Variants in NLRP2 observed in about 807,000 individuals in gnomAD.
NLRP2 encodes the protein NLR family pyrin domain containing 2.
In NLRP2, 107 loss-of-function variants were observed where a neutral mutation model predicts 97.2. The ratio of observed to expected loss-of-function variants is 1.10; its 90% CI spans 0.94 to 1.29. NLRP2 has a LOEUF of 1.29. Among genes scored for constraint, NLRP2 ranks in the 50% most tolerant of loss-of-function variants. NLRP2 has a pLI of 0.00. For synonymous variants in NLRP2, 663 were observed against 551.5 expected, an observed-to-expected ratio of 1.20 and a Z score of -2.83; for missense variants, 1,495 against 1,330.3, an observed-to-expected ratio of 1.12 and a Z score of -1.93.
chr19:54,973,621 A>T (rs1302319352), intron 2 of NLRP2, among the ~76,000 whole-genome samples: 1 of 151,920 alleles, frequency 6.6e-6, no homozygotes, highest in African/African-American at 2.4e-5. Context: ...TGATCTGCCC[A>T]CCTCAGCCTC....
At chr19:54,983,812 A>T (rs2071834029) in intron 6 of NLRP2, 84 bp downstream of exon 6, 4 of 1,550,362 alleles carry the variant, frequency 2.6e-6, no homozygotes, top group Admixed American at 3.3e-5. Flanking sequence ...CCTCCTATGC[A>T]CTGTGGCTTA....
intron 2 of NLRP2, chr19:54,974,287 G>A (rs2071056767): frequency 3.3e-6 from 2 of 613,934 alleles, no homozygotes; most frequent in South Asian, 1.9e-5. Context: ...CTGGGAGGCA[G>A]AGGTTGCAGT....
intron 11 of NLRP2, among the ~76,000 whole-genome samples, chr19:54,995,187 CTTTTTTTTTTT>C (rs34168825): frequency 3.4e-5 from 3 of 87,226 alleles, no homozygotes; most frequent in Admixed American, 2.9e-4. Flanking sequence ...GTGGGTGCCT[CTTTTTTTTTTT>C]TTTTTTTTTT....
At position 55,000,835 on chromosome 19, in the gene NLRP2, T is replaced by G; in HGVS notation, c.3126T>G (p.Ile1042Met). The G allele has an allele frequency of 6.2e-7, 1 of 1,613,420 alleles. No individual in the cohort carries two copies. The highest frequency in any genetic ancestry group is 8.5e-7 in the Non-Finnish European group (1 of 1,179,420). Residue 1042 changes from isoleucine (I) to methionine (M), a missense_variant, in exon 13 of 13, where the codon ATT becomes ATG. By Grantham distance (10) the Ile-to-Met change is conservative. Transcript: ENST00000448584. ...EEIEEKNPQL[I>M]IDTEKHHPWA... ...TAGAAGAAAAAAACCCACAACTGATTATTGATACTGAGAAACATCATCCCT... is the reference window on the plus strand; with the variant it reads ...TAGAAGAAAAAAACCCACAACTGATGATTGATACTGAGAAACATCATCCCT...
chr19:54,975,322 A>G (rs1050651900), intron 3 of NLRP2, among the ~76,000 whole-genome samples: 22 of 138,766 alleles, frequency 1.6e-4, no homozygotes, highest in Non-Finnish European at 3.3e-4. Flanking sequence ...GGGTCTTGCT[A>G]TGTTGCCCAG....
chr19:54,972,300 G>C (rs897039183), intron 2 of NLRP2, among the ~76,000 whole-genome samples: 4 of 151,836 alleles, frequency 2.6e-5, no homozygotes, highest in African/African-American at 9.7e-5. Flanking sequence ...TCCTGCATCA[G>C]CCTCTTGAAT....
Position 54,983,462 on chromosome 19 carries a change from C to T in NLRP2, c.1764C>T (p.Cys588=), listed in dbSNP as rs781443340. ...ACATCAAACAGGAATTGCTGCGATG[C>T]GACATAAGTTGTAAGGGTGGACATT... is the stretch of plus-strand genomic sequence containing the variant. ...SPDIKQELLR[C]DISCKGGHST... Residue 588 remains cysteine (C), a synonymous_variant, in exon 6 of 13, where the codon TGC becomes TGT. Transcript: ENST00000448584. 1.6e-5 allele frequency: 26 copies of T among 1,614,026 alleles called. No homozygotes were observed. The South Asian group carries it at 2.0e-4, about 12-fold the overall frequency.
In NLRP2 at chr19:55,000,996, GATA is replaced by G. The variant is rs1271946746; in HGVS notation, c.*101_*103del. 2.3e-5 allele frequency: 25 copies of G among 1,069,592 alleles called. No homozygotes were observed. In the South Asian group the frequency reaches 3.0e-4, roughly 13 times the overall value. The allele number at this position is 1,069,592 out of a possible 1,614,324, so 66.3% of individuals were successfully genotyped here. On this transcript the variant is annotated 3_prime_UTR_variant, in exon 13 of 13. Transcript: ENST00000448584. ...TCCTCCCCGGCCCCTACCCCTCAGG[GATA>G]ATGAGTTCATTGCTGGGCTAGATGT... is the stretch of plus-strand genomic sequence containing the variant.
chr19:54,994,223 G>A (rs762812862), intron 10 of NLRP2, 46 bp from the exon 11 acceptor site: 10 of 1,606,546 alleles, frequency 6.2e-6, no homozygotes, highest in Admixed American at 5.0e-5. Flanking sequence ...ACAGCAGTGA[G>A]AACTCACAGG....
Position 54,971,284 on chromosome 19 carries a change from G to T in NLRP2, c.280+989G>T, listed in dbSNP as rs564171793. 5.3e-5 allele frequency among the ~76,000 whole-genome samples: 8 copies of T among 149,634 alleles called. No homozygotes were observed. In the South Asian group the frequency reaches 8.4e-4, roughly 16 times the overall value. On this transcript the variant is annotated intron_variant, in intron 2 of 12. Transcript: ENST00000448584. ...GTGAATAATGCTGCAATAAACATAC[G>T]TGTGCATGTGTCTTTATAGCAGCAT...
Position 54,974,526 on chromosome 19 carries a change from A to G in NLRP2, c.307A>G (p.Arg103Gly). 6.2e-7 allele frequency: 1 copy of G among 1,610,998 alleles called. No homozygotes were observed. The highest frequency in any genetic ancestry group is 1.1e-5 in the South Asian group (1 of 90,996). Reference sequence around the variant, plus strand: ...AGCAGCTTTGAAATCCTTTAATAAAAGGAAGCCTCTATCATTAGGTAAGTT... The same window carrying G: ...AGCAGCTTTGAAATCCTTTAATAAAGGGAAGCCTCTATCATTAGGTAAGTT... ...REAALKSFNK[R>G]KPLSLGITRK... The change falls in exon 3 of 13, where the codon AGG becomes GGG. Residue 103 changes from arginine to glycine, a missense_variant. Transcript: ENST00000448584.
Position 54,985,673 on chromosome 19 carries a change from G to A in NLRP2, c.2201+456G>A, listed in dbSNP as rs199475721. ...AGTCTGAGTGACAGAGCGAGACTGC[G>A]TCTCAAAAAAAAAAAAAAAAAAAAA... On this transcript the variant is annotated intron_variant, in intron 7 of 12. Coordinates refer to ENST00000448584, the MANE Select transcript of NLRP2 (RefSeq NM_017852.5). Among the ~76,000 whole-genome samples, 14 of 104,694 alleles carry A rather than the reference G, an allele frequency of 1.3e-4. No homozygotes were observed. The South Asian group carries it at 2.0e-3, about 15-fold the overall frequency. The allele number at this position is 104,694 out of a possible 152,430, so 68.7% of individuals were successfully genotyped here.
At chr19:54,998,263 C>T (rs2072952203) in intron 12 of NLRP2, among the ~76,000 whole-genome samples, 1 of 151,832 alleles carries the variant, frequency 6.6e-6, no homozygotes, top group East Asian at 1.9e-4. Context: ...CGTGATTTGC[C>T]CACCTCAGCA....
intron 8 of NLRP2, among the ~76,000 whole-genome samples, chr19:54,988,599 G>A (rs1004978554): frequency 2.0e-5 from 3 of 152,100 alleles, no homozygotes; most frequent in African/African-American, 7.2e-5. Flanking sequence ...CACCGTGTTG[G>A]CTGGGCTGGT....
In NLRP2 at chr19:54,981,685, C is replaced by G; in HGVS notation, c.463+3C>G. ...AGTCTTTAAAGGAAAAAAGCCAGGT[C>G]TGTACCATATCTTCCTGCAGGGAGC... On this transcript the variant is annotated splice_donor_region_variant and intron_variant, in intron 5 of 12. Coordinates refer to ENST00000448584, the MANE Select transcript of NLRP2 (RefSeq NM_017852.5). 6 of 1,504,708 alleles carry G rather than the reference C, an allele frequency of 4.0e-6. No individual in the cohort carries two copies. The highest frequency in any genetic ancestry group is 1.7e-5 in the Admixed American group (1 of 59,872). 93.2% of individuals were successfully genotyped at this position (1,504,708 alleles called of 1,614,324 possible).
intron 3 of NLRP2, among the ~76,000 whole-genome samples, chr19:54,975,106 G>GTTTTTGTTTTTTTT (rs2071121382): frequency 1.7e-5 from 1 of 58,674 alleles, no homozygotes; most frequent in Admixed American, 2.5e-4. Flanking sequence ...ACCCGGTTTT[G>GTTTTTGTTTTTTTT]TTTTTTTTTT....
chr19:54,977,725 G>A, intron 3 of NLRP2, 27 bp from the exon 4 acceptor site: 1 of 1,612,286 alleles, frequency 6.2e-7, no homozygotes, highest in Non-Finnish European at 8.5e-7. Context: ...ACAGCAACAG[G>A]CCTGTAATGC....
In NLRP2 at chr19:54,998,025, C is replaced by CT. The variant is rs757893808; in HGVS notation, c.3050+555dup. ...TGGGGTTTTGTTTTGTTTTTTCTTT[C>CT]TTTTTTTTTTTTTTTTTCTGAGATG... On this transcript the variant is annotated intron_variant, in intron 12 of 12. Transcript: ENST00000448584. Among the ~76,000 whole-genome samples the CT allele has an allele frequency of 5.6e-3, 707 of 127,272 alleles. 9 individuals are homozygous for CT. The highest frequency in any genetic ancestry group is 9.9e-3 in the South Asian group (40 of 4,054). 83.5% of individuals were successfully genotyped at this position (127,272 alleles called of 152,430 possible).
intron 2 of NLRP2, among the ~76,000 whole-genome samples, chr19:54,973,540 A>T (rs1425304742): frequency 6.6e-6 from 1 of 151,398 alleles, no homozygotes; most frequent in African/African-American, 2.4e-5. Context: ...CATGCCCGCT[A>T]ATTTTTGTAT....
Sources: allele counts gnomAD v4.1 joint callset (sites outside exome capture counted in the v4.1 genomes callset), GRCh38; gene constraint gnomAD v4.1.1; transcripts MANE v1.5; gene names NCBI Gene and HGNC (gene_info 2026-07-23, HGNC 2026-07-21).